CSMD1: variants seen among roughly 807,000 people sequenced by gnomAD.
CSMD1 encodes CUB and Sushi multiple domains 1.
In CSMD1, 213 loss-of-function variants were observed where a neutral mutation model predicts 417.5. That is an observed-to-expected ratio of 0.51 (90% confidence interval 0.46 to 0.57). The LOEUF is 0.57. CSMD1 is among the 20% of genes least tolerant of loss of function. The pLI, the probability that CSMD1 is intolerant of heterozygous loss-of-function variation, is 0.00. For missense variants in CSMD1, 6,923 were observed against 4,529.7 expected (o/e 1.53, Z -15.17); for synonymous variants, 2,862 against 1,736.8 (o/e 1.65, Z -16.11).
At chr8:4,783,395 A>C (rs1348645831) in intron 1 of CSMD1, among the ~76,000 whole-genome samples, 1 of 152,222 alleles carries the variant, frequency 6.6e-6, no homozygotes, top group Non-Finnish European at 1.5e-5. Context: ...GTTCCAGCTG[A>C]AACTACATTC....
At chr8:3,110,390 A>AC (rs1363886425) in intron 42 of CSMD1, 55 bp from the exon 43 acceptor site, 2 of 1,432,368 alleles carry the variant, frequency 1.4e-6, no homozygotes, top group Non-Finnish European at 1.9e-6. Flanking sequence ...TAGAGAGTAG[A>AC]AAGCTAAATA....
chr8:3,395,690 G>A (rs923626539), intron 17 of CSMD1, among the ~76,000 whole-genome samples: 2 of 152,042 alleles, frequency 1.3e-5, no homozygotes, highest in African/African-American at 4.8e-5. Flanking sequence ...TTGGAATTTG[G>A]TAAGGTTTAG....
intron 10 of CSMD1, among the ~76,000 whole-genome samples, chr8:3,524,512 C>G (rs879647936): frequency 2.0e-4 from 29 of 143,648 alleles, no homozygotes; most frequent in Admixed American, 1.9e-3. Flanking sequence ...TGCACAGATG[C>G]ACACATGCAA....
At chr8:4,204,521 C>G (rs932200998) in intron 3 of CSMD1, among the ~76,000 whole-genome samples, 1 of 152,158 alleles carries the variant, frequency 6.6e-6, no homozygotes, top group Admixed American at 6.5e-5. Flanking sequence ...TAATTTATTT[C>G]CTCACCTTTC....
At chr8:4,679,419 A>C (rs1372174558) in intron 1 of CSMD1, among the ~76,000 whole-genome samples, 2 of 152,302 alleles carry the variant, frequency 1.3e-5, no homozygotes, top group East Asian at 3.9e-4. Flanking sequence ...ATAATAATTA[A>C]AGTAGTAATT....
Position 3,029,413 on chromosome 8 carries a change from G to C in CSMD1, c.7761C>G (p.Ser2587Arg), listed in dbSNP as rs766900418. Residue 2587 changes from serine to arginine, a missense_variant, in exon 51 of 70, where the codon AGC becomes AGG. By Grantham distance (110) the Ser-to-Arg change is moderately radical. Coordinates refer to ENST00000635120, the MANE Select transcript of CSMD1 (RefSeq NM_033225.6). ...LNEYGAQVLL[S>R]CSPGYYLEGW... ...CTTCTAAGTAGTAACCAGGACTGCA[G>C]CTCAGCAATACTTGAGCACCGTACT... is the stretch of plus-strand genomic sequence containing the variant. The C allele has an allele frequency of 1.2e-6, 2 of 1,611,726 alleles. No individual in the cohort carries two copies. The highest frequency in any genetic ancestry group is 1.7e-5 in the Admixed American group (1 of 59,704).
At chr8:4,178,815 C>T (rs993327583) in intron 3 of CSMD1, among the ~76,000 whole-genome samples, 6 of 152,178 alleles carry the variant, frequency 3.9e-5, no homozygotes, top group Non-Finnish European at 7.3e-5. Flanking sequence ...CAGGAGTGAA[C>T]TCCCATTCAC....
chr8:4,109,250 G>C (rs949241283), intron 3 of CSMD1, among the ~76,000 whole-genome samples: 1 of 152,016 alleles, frequency 6.6e-6, no homozygotes, highest in African/African-American at 2.4e-5. Context: ...TTTTCTGAAT[G>C]TTTTTGACCC....
At chr8:3,190,464 A>T (rs143107456) in intron 33 of CSMD1, among the ~76,000 whole-genome samples, 87 of 152,338 alleles carry the variant, frequency 5.7e-4, no homozygotes, top group African/African-American at 2.0e-3. Flanking sequence ...TCAGGCGATT[A>T]CATTTAATCA....
chr8:4,350,841 G>C (rs1801049770), intron 3 of CSMD1, among the ~76,000 whole-genome samples: 1 of 152,164 alleles, frequency 6.6e-6, no homozygotes, highest in South Asian at 2.1e-4. Context: ...TAGCTGTGGA[G>C]ACACTATCTG....
At chr8:3,886,233 G>C (rs549256545) in intron 5 of CSMD1, among the ~76,000 whole-genome samples, 2 of 152,182 alleles carry the variant, frequency 1.3e-5, no homozygotes, top group Admixed American at 6.5e-5. Flanking sequence ...TATTTTAGTA[G>C]AGATGGGGTT....
intron 26 of CSMD1, among the ~76,000 whole-genome samples, chr8:3,247,519 G>A (rs952272889): frequency 1.2e-4 from 18 of 152,296 alleles, no homozygotes; most frequent in African/African-American, 4.1e-4. Context: ...AACCCTACGA[G>A]GCAAGCTCAG....
rs142751128 is a variant in CSMD1 at position 3,181,270 on chromosome 8, A to G, written c.5621-56T>C. ...CACTACAAATACATTCACTTTTCTA[A>G]ATATAAAACATATGAGAATACTTAT... On this transcript the variant is annotated intron_variant, in intron 36 of 69. Transcript: ENST00000635120. 4.2e-5 allele frequency: 49 copies of G among 1,166,054 alleles called. 1 individual carries two copies. In the African/African-American group the frequency reaches 6.7e-4, roughly 16 times the overall value. 72.2% of individuals were successfully genotyped at this position (1,166,054 alleles called of 1,614,324 possible). A position where few individuals can be genotyped will look rare whatever the true frequency, so the allele number is the denominator to read the frequency against.
intron 52 of CSMD1, among the ~76,000 whole-genome samples, chr8:3,001,336 C>G (rs541602909): frequency 6.6e-6 from 1 of 152,202 alleles, no homozygotes; most frequent in Non-Finnish European, 1.5e-5. Flanking sequence ...CTCTTTACTG[C>G]TCTCACTTTT....
intron 7 of CSMD1, among the ~76,000 whole-genome samples, chr8:3,689,297 T>C (rs764000011): frequency 5.9e-5 from 9 of 152,276 alleles, no homozygotes; most frequent in East Asian, 1.9e-4. Flanking sequence ...GTGGCTAACA[T>C]TGGACTAAGC....
intron 7 of CSMD1, among the ~76,000 whole-genome samples, chr8:3,691,366 C>CA (rs34547668): frequency 0.043 from 5,723 of 133,648 alleles, 298 homozygotes; most frequent in African/African-American, 0.14. Context: ...GACTCTGTCT[C>CA]AAAAAAAAAA....
intron 5 of CSMD1, among the ~76,000 whole-genome samples, chr8:3,803,331 T>C (rs562043643): frequency 1.3e-5 from 2 of 152,228 alleles, no homozygotes; most frequent in African/African-American, 4.8e-5. Flanking sequence ...TATACACAAA[T>C]ACTTCAATAG....
intron 27 of CSMD1, among the ~76,000 whole-genome samples, chr8:3,226,448 T>C (rs1192602401): frequency 6.6e-6 from 1 of 151,960 alleles, no homozygotes; most frequent in African/African-American, 2.4e-5. Flanking sequence ...CCGGGCGTGG[T>C]GGCACGCACC....
intron 7 of CSMD1, among the ~76,000 whole-genome samples, chr8:3,630,578 G>A (rs1172741891): frequency 2.0e-5 from 3 of 152,228 alleles, no homozygotes; most frequent in Non-Finnish European, 4.4e-5. Context: ...AGAGGAGGAT[G>A]TTGAAGTCAT....
Sources: gnomAD v4.1 joint callset for allele counts (sites outside exome capture counted in the v4.1 genomes callset) on GRCh38, gnomAD v4.1.1 for gene constraint, MANE v1.5 for transcripts, NCBI Gene and HGNC (gene_info 2026-07-23, HGNC 2026-07-21) for gene names.